Variants in MYOM2 observed in about 807,000 individuals in gnomAD.
MYOM2 encodes myomesin-2.
Under a neutral mutation model 187.6 loss-of-function variants are expected in MYOM2, and 254 were observed. The ratio of observed to expected loss-of-function variants is 1.35; its 90% CI spans 1.22 to 1.50. The LOEUF (loss-of-function observed/expected upper bound fraction) is 1.50, where lower values mean the gene tolerates loss of function less well. MYOM2 is among the 40% of genes most tolerant of loss of function. The probability of loss-of-function intolerance (pLI) is 0.00; values close to 1 mark genes in which losing one functional copy is unlikely to be tolerated. For missense variants in MYOM2, 2,796 were observed against 1,924.0 expected, an observed-to-expected ratio of 1.45 and a Z score of -8.48; for synonymous variants, 981 against 753.8, an observed-to-expected ratio of 1.30 and a Z score of -4.94.
Position 2,109,670 on chromosome 8 carries a change from A to AT in MYOM2, c.3180+139_3180+140insT, listed in dbSNP as rs1797006144. 4.7e-6 allele frequency: 4 copies of AT among 857,266 alleles called. No individual in the cohort carries two copies. The Admixed American group carries it at 9.9e-5, about 21-fold the overall frequency. 53.1% of individuals were successfully genotyped at this position (857,266 alleles called of 1,614,324 possible). ...AAGATTGGGGCATGGAAGGTTGACA[A>AT]GATGAATGGAGATGGTTGATTCTTA... is the stretch of plus-strand genomic sequence containing the variant. On this transcript the variant is annotated intron_variant, in intron 25 of 36. Transcript: ENST00000262113.
intron 6 of MYOM2, among the ~76,000 whole-genome samples, chr8:2,065,044 A>G (rs1468737067): frequency 6.6e-6 from 1 of 152,246 alleles, no homozygotes; most frequent in Non-Finnish European, 1.5e-5. Context: ...CTTAGTTACT[A>G]ATATATAAGA....
At chr8:2,114,261 G>C (rs1797163540) in intron 25 of MYOM2, among the ~76,000 whole-genome samples, 1 of 152,208 alleles carries the variant, frequency 6.6e-6, no homozygotes, top group Non-Finnish European at 1.5e-5. Context: ...GCAGCAGAGA[G>C]GCAGGTAGTC....
chr8:2,108,933 G>A (rs1796980281), intron 24 of MYOM2, 103 bp downstream of exon 24: 15 of 1,154,730 alleles, frequency 1.3e-5, no homozygotes, highest in Non-Finnish European at 1.6e-5. Flanking sequence ...GGGAAAGGAT[G>A]GCCTGATTTC....
chr8:2,138,264 T>C (rs1464230419), intron 32 of MYOM2, among the ~76,000 whole-genome samples: 1 of 152,222 alleles, frequency 6.6e-6, no homozygotes, highest in East Asian at 1.9e-4. Context: ...CGGCCGGCTC[T>C]GGCTGCTGAG....
intron 35 of MYOM2, 136 bp from the exon 36 acceptor site, chr8:2,143,265 T>G: frequency 1.0e-6 from 1 of 989,546 alleles, no homozygotes; most frequent in African/African-American, 1.6e-5. Flanking sequence ...ATAAACCTTT[T>G]TCTTTGATGC....
At chr8:2,122,899 T>C (rs1797504993) in intron 28 of MYOM2, among the ~76,000 whole-genome samples, 1 of 152,210 alleles carries the variant, frequency 6.6e-6, no homozygotes, top group Non-Finnish European at 1.5e-5. Context: ...GAATATTCTC[T>C]ATTATTCAGA....
In MYOM2 at chr8:2,143,323, C is replaced by T. The variant is rs76084987; in HGVS notation, c.4025-78C>T. On this transcript the variant is annotated intron_variant, in intron 35 of 36. Coordinates refer to ENST00000262113, the MANE Select transcript of MYOM2 (RefSeq NM_003970.4). ...TCCTCACCACATTCACCTTGGTACC[C>T]ACTGCTGCTTACATGGCTCCTGCTC... 1,252 of 1,507,594 alleles carry T rather than the reference C, an allele frequency of 8.3e-4. 10 individuals carry two copies. In the African/African-American group the frequency reaches 0.016, roughly 19 times the overall value. The allele number at this position is 1,507,594 out of a possible 1,614,324, so 93.4% of individuals were successfully genotyped here. A position where few individuals can be genotyped will look rare whatever the true frequency, so the allele number is the denominator to read the frequency against.
intron 32 of MYOM2, among the ~76,000 whole-genome samples, chr8:2,132,314 A>C (rs62479973): frequency 0.14 from 21,133 of 152,134 alleles, 2,566 homozygotes; most frequent in African/African-American, 0.31. Context: ...AAGCAAAGAC[A>C]ATTGTTCTTT....
At chr8:2,081,042 C>T (rs1156927454) in intron 13 of MYOM2, among the ~76,000 whole-genome samples, 1 of 141,182 alleles carries the variant, frequency 7.1e-6, no homozygotes, top group Non-Finnish European at 1.5e-5. Flanking sequence ...GAACAGGCAG[C>T]CCAGCCCGTG....
chr8:2,144,452 G>A (rs369446020), intron 36 of MYOM2, among the ~76,000 whole-genome samples: 2 of 152,024 alleles, frequency 1.3e-5, no homozygotes, highest in Non-Finnish European at 2.9e-5. Context: ...ATTTTTTTAC[G>A]AGCTCGCCTG....
At chr8:2,142,078 G>GA (rs33965995) in intron 34 of MYOM2, among the ~76,000 whole-genome samples, 45,294 of 148,388 alleles carry the variant, frequency 0.31, 7,261 homozygotes, top group African/African-American at 0.41. Context: ...GTGAATTTGT[G>GA]AAAAAAAAAA....
chr8:2,097,646 C>G (rs544474192), intron 18 of MYOM2, among the ~76,000 whole-genome samples: 2 of 152,064 alleles, frequency 1.3e-5, no homozygotes, highest in Non-Finnish European at 2.9e-5. Context: ...TCCTGAGTAG[C>G]TGGGATTACA....
Position 2,092,453 on chromosome 8 carries a change from G to A in MYOM2, c.1936G>A (p.Val646Met), listed in dbSNP as rs772863256. The A allele has an allele frequency of 1.4e-5, 23 of 1,614,036 alleles. No homozygotes were observed. The highest frequency in any genetic ancestry group is 3.3e-4 in the Middle Eastern group (2 of 6,082). ...TGAGGAGGACCTGCTGGGCTACTAC[G>A]TGGACTGCTGTGTGGCCGGAACCAA... The part of the protein sequence containing the change: ...KHEEDLLGYY[V>M]DCCVAGTNLW... The change falls in exon 16 of 37, where the codon GTG (valine) becomes ATG (methionine). Residue 646 changes from valine to methionine, a missense_variant. By Grantham distance (21) the Val-to-Met change is conservative (BLOSUM62 1). Coordinates refer to ENST00000262113, the MANE Select transcript of MYOM2 (RefSeq NM_003970.4).
At chr8:2,132,125 T>C (rs1797895704) in intron 32 of MYOM2, among the ~76,000 whole-genome samples, 1 of 152,204 alleles carries the variant, frequency 6.6e-6, no homozygotes, top group Non-Finnish European at 1.5e-5. Flanking sequence ...AGAAAATTAG[T>C]TGGAAAATTT....
rs1819257718 is a variant in MYOM2 at position 2,072,346 on chromosome 8, G to A, written c.795G>A (p.Leu265=). 4 of 1,612,994 alleles carry A rather than the reference G, an allele frequency of 2.5e-6. No homozygotes were observed. In the East Asian group the frequency reaches 8.9e-5, roughly 36 times the overall value. The change falls in exon 9 of 37, where the codon TTG becomes TTA. Residue 265 remains leucine (L), a splice_region_variant and synonymous_variant. Coordinates refer to ENST00000262113, the MANE Select transcript of MYOM2 (RefSeq NM_003970.4). ...AAAGCCTCCATCGTTTCTGTGCAGT[G>A]CCCCTGTCATCGATGATTCCGTACA... The part of the protein sequence containing the change: ...PFRSVGLPIG[L]PLSSMIPYTH...
chr8:2,093,548 G>A (rs1048902321), intron 16 of MYOM2, among the ~76,000 whole-genome samples: 10 of 152,204 alleles, frequency 6.6e-5, no homozygotes, highest in Non-Finnish European at 1.3e-4. Context: ...CATAAAATCT[G>A]TGAGGTTTCA....
intron 6 of MYOM2, among the ~76,000 whole-genome samples, chr8:2,067,229 G>C (rs369584345): frequency 6.6e-6 from 1 of 152,128 alleles, no homozygotes; most frequent in Non-Finnish European, 1.5e-5. Flanking sequence ...TAATGACTTC[G>C]CAGGAATGGA....
intron 16 of MYOM2, among the ~76,000 whole-genome samples, chr8:2,092,917 C>T (rs990625213): frequency 1.3e-5 from 2 of 151,774 alleles, no homozygotes; most frequent in Non-Finnish European, 2.9e-5. Flanking sequence ...AGTTCTATTC[C>T]CCAGCACCTG....
intron 1 of MYOM2, among the ~76,000 whole-genome samples, chr8:2,049,878 C>T (rs1008765743): frequency 2.0e-5 from 3 of 152,128 alleles, no homozygotes; most frequent in Admixed American, 1.3e-4. Flanking sequence ...AGATGGAACT[C>T]GCTCATCTCC....
Sources: allele counts gnomAD v4.1 joint callset (sites outside exome capture counted in the v4.1 genomes callset), GRCh38; gene constraint gnomAD v4.1.1; transcripts MANE v1.5; gene names NCBI Gene and HGNC (gene_info 2026-07-23, HGNC 2026-07-21).